The following CCND2 variants were observed in gnomAD, a reference collection of about 807,000 sequenced individuals.
The protein encoded by CCND2 is G1/S-specific cyclin-D2.
Under a neutral mutation model 30.2 loss-of-function variants are expected in CCND2, and 6 were observed. That is an observed-to-expected ratio of 0.20 (90% CI 0.11 to 0.39). The LOEUF is 0.39. Ranked by LOEUF, CCND2 falls within the 10% of genes least tolerant of loss-of-function variation. The pLI, the probability that CCND2 is intolerant of heterozygous loss-of-function variation, is 1.00. For synonymous variants in CCND2, 150 were observed against 153.1 expected (o/e 0.98, Z 0.15); for missense variants, 235 against 373.4 (o/e 0.63, Z 3.06).
rs758874311 is a variant in CCND2, at chr12:4,285,923, G to A, written c.572-2919G>A. On this transcript the variant is annotated intron_variant, in intron 3 of 4. Coordinates refer to ENST00000261254, the MANE Select transcript of CCND2 (RefSeq NM_001759.4). This position sits in a 1 kb window ranked among gnomAD's most constrained non-coding sequence, Gnocchi z 4.1. ...GAGAGGGCTGCTTTGTGAATTTGCC[G>A]GCTGGTAGACACCGTGATCCATTCT... Among the ~76,000 whole-genome samples, 21 of 152,054 alleles carry A rather than the reference G, an allele frequency of 1.4e-4. No individual in the cohort carries two copies. The highest frequency in any genetic ancestry group is 2.4e-4 in the Non-Finnish European group (16 of 68,002).
rs1430789231 is a variant in CCND2, at chr12:4,276,984, T to G, written c.411+764T>G. Among the ~76,000 whole-genome samples, 4 of 152,202 alleles carry G rather than the reference T, an allele frequency of 2.6e-5. No homozygotes were observed. The highest frequency in any genetic ancestry group is 9.6e-5 in the African/African-American group (4 of 41,452). ...GGTTTGCACACCCCTCTTTGCACTG[T>G]TCAGAAAAGCACCCCCTCCTTCCCG... On this transcript the variant is annotated intron_variant, in intron 2 of 4. Coordinates refer to ENST00000261254, the MANE Select transcript of CCND2 (RefSeq NM_001759.4). The surrounding 1 kb of genome is among the most constrained non-coding windows in gnomAD (Gnocchi z 4.8).
chr12:4,301,263 T>C lies in CCND2; in HGVS notation c.*1254T>C, dbSNP rs1864244636. The C allele has an allele frequency of 4.3e-6, 1 of 233,526 alleles. No homozygotes were observed. Among genetic ancestry groups the C allele is most frequent in the African/African-American group, 2.2e-5 (1 of 45,338 alleles). 14.5% of individuals were successfully genotyped at this position (233,526 alleles called of 1,614,324 possible). On this transcript the variant is annotated 3_prime_UTR_variant, in exon 5 of 5. Transcript: ENST00000261254. ...AGAAGGATCTTAATTCCCATCTCTA[T>C]ACTTCTCCTTTGGACATGGAAAGAA... is the stretch of plus-strand genomic sequence containing the variant.
rs3217922 is a variant in CCND2 at position 4,301,075 on chromosome 12, C to T, written c.*1066C>T. 1.1e-4 allele frequency: 26 copies of T among 233,470 alleles called. No individual in the cohort carries two copies. Among genetic ancestry groups the T allele is most frequent in the African/African-American group, 5.3e-4 (24 of 45,256 alleles). 14.5% of individuals were successfully genotyped at this position (233,470 alleles called of 1,614,324 possible). On this transcript the variant is annotated 3_prime_UTR_variant, in exon 5 of 5. Coordinates refer to ENST00000261254, the MANE Select transcript of CCND2 (RefSeq NM_001759.4). Reference sequence around the variant, plus strand: ...TCTCTTTTGCCCCCTCCCTTCCTGCCCCCAGTCTGGGTTACTCTTCGCTTC... The same window carrying T: ...TCTCTTTTGCCCCCTCCCTTCCTGCTCCCAGTCTGGGTTACTCTTCGCTTC...
rs758596420 is a variant in CCND2 at position 4,274,283 on chromosome 12, C to A, written c.195+48C>A. On this transcript the variant is annotated intron_variant, in intron 1 of 4. Transcript: ENST00000261254. This position sits in a 1 kb window ranked among gnomAD's most constrained non-coding sequence, Gnocchi z 7.7. ...CCAGGAGCCAGGACCCCTCCGGATG[C>A]TCGGGTCCCCGGCCGGAGCCCTAAA... The A allele has an allele frequency of 6.9e-6, 11 of 1,586,606 alleles. No homozygotes were observed. The African/African-American group carries it at 1.2e-4, about 17-fold the overall frequency.
intron 4 of CCND2, among the ~76,000 whole-genome samples, chr12:4,294,348 C>T (rs1013147100): frequency 2.0e-5 from 3 of 152,088 alleles, no homozygotes; most frequent in Non-Finnish European, 4.4e-5. Context: ...ACCGCCAGCG[C>T]GGTAGGGTAC....
Position 4,273,931 on chromosome 12 carries a change from A to AAT in CCND2, c.-109_-108insTA. 2 of 1,086,274 alleles carry AAT rather than the reference A, an allele frequency of 1.8e-6. No individual in the cohort carries two copies. Among genetic ancestry groups the AAT allele is most frequent in the Non-Finnish European group, 2.6e-6 (2 of 770,898 alleles). The allele number at this position is 1,086,274 out of a possible 1,614,324, so 67.3% of individuals were successfully genotyped here. ...CCCCCGAAAACCCCCTATTTAGCCA[A>AAT]AGGAAGGAGGTCAGGGGAACGCTCT... On this transcript the variant is annotated 5_prime_UTR_variant, in exon 1 of 5. Transcript: ENST00000261254. This position sits in a 1 kb window ranked among gnomAD's most constrained non-coding sequence, Gnocchi z 5.9.
intron 4 of CCND2, among the ~76,000 whole-genome samples, chr12:4,296,321 GGC>G (rs981564167): frequency 1.3e-5 from 2 of 152,244 alleles, no homozygotes; most frequent in African/African-American, 4.8e-5. Context: ...AGGAGAGCAA[GGC>G]AGGATCGGCC....
At position 4,299,089 on chromosome 12, in the gene CCND2, C is replaced by T. The variant is rs180940947; in HGVS notation, c.721-771C>T. Reference sequence around the variant, plus strand: ...TTTTTTAAGTATTTACAGTGAGGCGCGGTGGCTCATGCCTGTAATCCCAGC... The same window carrying T: ...TTTTTTAAGTATTTACAGTGAGGCGTGGTGGCTCATGCCTGTAATCCCAGC... On this transcript the variant is annotated intron_variant, in intron 4 of 4. Coordinates refer to ENST00000261254, the MANE Select transcript of CCND2 (RefSeq NM_001759.4). The surrounding 1 kb of genome is among the most constrained non-coding windows in gnomAD (Gnocchi z 5.2). 3.4e-4 allele frequency among the ~76,000 whole-genome samples: 51 copies of T among 152,048 alleles called. No homozygotes were observed. The highest frequency in any genetic ancestry group is 1.2e-3 in the African/African-American group (51 of 41,450).
intron 4 of CCND2, among the ~76,000 whole-genome samples, chr12:4,292,639 C>T (rs7313995): frequency 1.8e-3 from 268 of 152,294 alleles, no homozygotes; most frequent in African/African-American, 6.1e-3. Flanking sequence ...AAAGAGAAAG[C>T]TGAGTGAGGG....
Position 4,304,450 on chromosome 12 carries a change from C to T in CCND2, c.*4441C>T. 4.3e-6 allele frequency: 1 copy of T among 233,678 alleles called. No homozygotes were observed. Among genetic ancestry groups the T allele is most frequent in the Non-Finnish European group, 8.5e-6 (1 of 118,032 alleles). 14.5% of individuals were successfully genotyped at this position (233,678 alleles called of 1,614,324 possible). On this transcript the variant is annotated 3_prime_UTR_variant, in exon 5 of 5. Coordinates refer to ENST00000261254, the MANE Select transcript of CCND2 (RefSeq NM_001759.4). The surrounding 1 kb of genome is among the most constrained non-coding windows in gnomAD (Gnocchi z 6.2). ...GTGGACTCAGAGCAATTTACAAGAGCTGTTCATGCAGCCATCCATTTGTGC... is the reference window on the plus strand; with the variant it reads ...GTGGACTCAGAGCAATTTACAAGAGTTGTTCATGCAGCCATCCATTTGTGC...
chr12:4,304,409 G>A lies in CCND2; in HGVS notation c.*4400G>A, dbSNP rs1036050874. 1.4e-4 allele frequency: 33 copies of A among 233,544 alleles called. No individual in the cohort carries two copies. The highest frequency in any genetic ancestry group is 2.5e-4 in the Non-Finnish European group (29 of 118,020). The allele number at this position is 233,544 out of a possible 1,614,324, so 14.5% of individuals were successfully genotyped here. A position where few individuals can be genotyped will look rare whatever the true frequency, so the allele number is the denominator to read the frequency against. ...AACCCTCTGTAGCTATAGAATGAGT[G>A]CAGGTTTCTATTGGTGTGGACTCAG... On this transcript the variant is annotated 3_prime_UTR_variant, in exon 5 of 5. Transcript: ENST00000261254. This position sits in a 1 kb window ranked among gnomAD's most constrained non-coding sequence, Gnocchi z 6.2.
Position 4,285,592 on chromosome 12 carries a change from G to T in CCND2, c.572-3250G>T, listed in dbSNP as rs919397359. The stretch of plus-strand genomic sequence containing the variant: ...ACCCATGGTTGTAATCTTCATCGTC[G>T]CATGCATGCATGCAATTTGGTTTTC... On this transcript the variant is annotated intron_variant, in intron 3 of 4. Transcript: ENST00000261254. The surrounding 1 kb of genome is among the most constrained non-coding windows in gnomAD (Gnocchi z 4.1). 1 of 198,184 alleles carries T rather than the reference G, an allele frequency of 5.0e-6. No individual in the cohort carries two copies. Among genetic ancestry groups the T allele is most frequent in the Non-Finnish European group, 9.1e-6 (1 of 110,204 alleles). 12.3% of individuals were successfully genotyped at this position (198,184 alleles called of 1,614,324 possible).
chr12:4,276,259 C>T lies in CCND2; in HGVS notation c.411+39C>T, dbSNP rs200547584. 13 of 1,557,648 alleles carry T rather than the reference C, an allele frequency of 8.3e-6. No individual in the cohort carries two copies. In the East Asian group the frequency reaches 2.7e-4, roughly 33 times the overall value. On this transcript the variant is annotated intron_variant, in intron 2 of 4. Transcript: ENST00000261254. The surrounding 1 kb of genome is among the most constrained non-coding windows in gnomAD (Gnocchi z 4.8). Reference sequence around the variant, plus strand: ...CCTTCCTCCCTTCCTTTCTGCGATTCCCGCTTTCCCCTGGCCAACAATATG... The same window carrying T: ...CCTTCCTCCCTTCCTTTCTGCGATTTCCGCTTTCCCCTGGCCAACAATATG...
At chr12:4,295,564 G>C (rs979739827) in intron 4 of CCND2, among the ~76,000 whole-genome samples, 1 of 152,182 alleles carries the variant, frequency 6.6e-6, no homozygotes, top group Admixed American at 6.5e-5. Flanking sequence ...ATCATCTGAG[G>C]TCAGGAGTTC....
rs528644998 is a variant in CCND2 at position 4,299,489 on chromosome 12, A to C, written c.721-371A>C. ...TTCTCTGCCACTTCCCAGCTTCCCCAGGCAGAAAGCATCTGGTCGGCCCCT... is the reference window on the plus strand; with the variant it reads ...TTCTCTGCCACTTCCCAGCTTCCCCCGGCAGAAAGCATCTGGTCGGCCCCT... On this transcript the variant is annotated intron_variant, in intron 4 of 4. Coordinates refer to ENST00000261254, the MANE Select transcript of CCND2 (RefSeq NM_001759.4). This position sits in a 1 kb window ranked among gnomAD's most constrained non-coding sequence, Gnocchi z 5.2. 6.6e-6 allele frequency among the ~76,000 whole-genome samples: 1 copy of C among 152,256 alleles called. No homozygotes were observed. The highest frequency in any genetic ancestry group is 2.4e-5 in the African/African-American group (1 of 41,544).
At chr12:4,275,790 T>A (rs574632370) in intron 1 of CCND2, among the ~76,000 whole-genome samples, 5 of 152,096 alleles carry the variant, frequency 3.3e-5, no homozygotes, top group African/African-American at 1.2e-4. Context: ...ATAGGATCCC[T>A]GGGAATACCA....
rs1864233234 is a variant in CCND2 at position 4,300,386 on chromosome 12, C to T, written c.*377C>T. The stretch of plus-strand genomic sequence containing the variant: ...TTTTCATGTTATGAGCTAGCACATA[C>T]ACCCCCTTGTAGTATAATTTCAAGG... On this transcript the variant is annotated 3_prime_UTR_variant, in exon 5 of 5. Coordinates refer to ENST00000261254, the MANE Select transcript of CCND2 (RefSeq NM_001759.4). The T allele has an allele frequency of 7.8e-6, 2 of 254,788 alleles. No homozygotes were observed. The highest frequency in any genetic ancestry group is 1.1e-4 in the East Asian group (2 of 17,804). 15.8% of individuals were successfully genotyped at this position (254,788 alleles called of 1,614,324 possible). A position where few individuals can be genotyped will look rare whatever the true frequency, so the allele number is the denominator to read the frequency against.
intron 4 of CCND2, among the ~76,000 whole-genome samples, chr12:4,298,993 T>C (rs2120590648): frequency 6.6e-6 from 1 of 152,358 alleles, no homozygotes; most frequent in Admixed American, 6.5e-5. Context: ...CAGAATGTTG[T>C]AGACATTCTG....
chr12:4,276,827 C>G lies in CCND2; in HGVS notation c.411+607C>G, dbSNP rs757896740. Among the ~76,000 whole-genome samples the G allele has an allele frequency of 1.3e-4, 20 of 152,340 alleles. No individual in the cohort carries two copies. Among genetic ancestry groups the G allele is most frequent in the Non-Finnish European group, 2.6e-4 (18 of 68,026 alleles). On this transcript the variant is annotated intron_variant, in intron 2 of 4. Coordinates refer to ENST00000261254, the MANE Select transcript of CCND2 (RefSeq NM_001759.4). This position sits in a 1 kb window ranked among gnomAD's most constrained non-coding sequence, Gnocchi z 4.8. ...CTCTGTACAACCCCAGGGATCCTGT[C>G]TTATCTCTGCTTTTCTACCAGGGAA...
Sources: gnomAD v4.1 joint callset for allele counts (sites outside exome capture counted in the v4.1 genomes callset) on GRCh38, gnomAD v4.1.1 for gene constraint, Gnocchi (gnomAD v3.1) non-coding constraint, MANE v1.5 for transcripts, NCBI Gene and HGNC (gene_info 2026-07-23, HGNC 2026-07-21) for gene names.